The following SMARCD1 variants were observed in gnomAD, a reference collection of about 807,000 sequenced individuals.
SMARCD1 encodes the protein SWI/SNF-related matrix-associated actin-dependent regulator of chromatin subfamily D member 1.
SMARCD1 carries 16 observed loss-of-function variants against 70.8 expected under a neutral mutation model. The ratio of observed to expected loss-of-function variants is 0.23; its 90% CI spans 0.15 to 0.34. SMARCD1 has a LOEUF of 0.34. SMARCD1 is among the 10% of genes least tolerant of loss of function. The pLI, the probability that SMARCD1 is intolerant of heterozygous loss-of-function variation, is 1.00. For missense variants in SMARCD1, 409 were observed against 655.5 expected (o/e 0.62, Z 4.11); for synonymous variants, 249 against 246.0 (o/e 1.01, Z -0.11).
chr12:50,088,785 A>G, intron 6 of SMARCD1, 148 bp downstream of exon 6: 2 of 437,454 alleles, frequency 4.6e-6, no homozygotes, highest in Non-Finnish European at 8.2e-6. Flanking sequence ...TTGCACATTG[A>G]CCTCTAGGTG....
At chr12:50,096,355 G>C (rs1950893200) in intron 10 of SMARCD1, among the ~76,000 whole-genome samples, 1 of 152,188 alleles carries the variant, frequency 6.6e-6, no homozygotes, top group Non-Finnish European at 1.5e-5. Context: ...AGTTGGATTG[G>C]TTGGAGTATA....
rs1401661308 is a variant in SMARCD1 at position 50,094,629 on chromosome 12, G to C, written c.1269+57G>C. The C allele has an allele frequency of 1.3e-5, 20 of 1,534,324 alleles. No individual in the cohort carries two copies. In the South Asian group the frequency reaches 1.7e-4, roughly 13 times the overall value. On this transcript the variant is annotated intron_variant, in intron 10 of 12. Transcript: ENST00000394963. ...CACCAGCCCCTATCACAGCTTCAAG[G>C]CCTCCTTTTGATTCTTAGTGTTCAT... is the stretch of plus-strand genomic sequence containing the variant.
At chr12:50,091,360 C>T (rs1213883112) in intron 9 of SMARCD1, among the ~76,000 whole-genome samples, 1 of 151,490 alleles carries the variant, frequency 6.6e-6, no homozygotes, top group Non-Finnish European at 1.5e-5. Context: ...ACCGTAACCT[C>T]TGCCTACTGG....
chr12:50,092,063 G>C (rs1170143593), intron 9 of SMARCD1, among the ~76,000 whole-genome samples: 1 of 151,936 alleles, frequency 6.6e-6, no homozygotes, highest in African/African-American at 2.4e-5. Context: ...CATTACCTCT[G>C]TTCACTTTTT....
intron 9 of SMARCD1, among the ~76,000 whole-genome samples, chr12:50,092,971 T>C (rs1950860233): frequency 6.6e-6 from 1 of 151,024 alleles, no homozygotes; most frequent in African/African-American, 2.4e-5. Flanking sequence ...AGGTCAGGAG[T>C]TCAAGACCAG....
Position 50,094,436 on chromosome 12 carries a change from G to T in SMARCD1, c.1134-1G>T. On this transcript the variant is annotated splice_acceptor_variant, in intron 9 of 12. Coordinates refer to ENST00000394963, the MANE Select transcript of SMARCD1 (RefSeq NM_003076.5). LOFTEE classifies it high-confidence loss of function. ...CCAGGCTCCTTTGGTTTCCTGTCCA[G>T]TGTTGACCCGAATGATCAGAAAAAG... 1 of 1,613,948 alleles carries T rather than the reference G, an allele frequency of 6.2e-7. No homozygotes were observed. Among genetic ancestry groups the T allele is most frequent in the Non-Finnish European group, 8.5e-7 (1 of 1,179,900 alleles).
At chr12:50,096,768 G>A in intron 10 of SMARCD1, 82 bp from the exon 11 acceptor site, 1 of 1,363,384 alleles carries the variant, frequency 7.3e-7, no homozygotes, top group Non-Finnish European at 1.0e-6. Context: ...GAAGTGGCAT[G>A]TGGAGTTGTC....
At chr12:50,091,574 CTTTTG>C (rs762795908) in intron 9 of SMARCD1, among the ~76,000 whole-genome samples, 5 of 148,320 alleles carry the variant, frequency 3.4e-5, no homozygotes, top group Admixed American at 6.7e-5. Context: ...CGCGCCCGGC[CTTTTG>C]TTTTGTTTTG....
At chr12:50,097,511 C>A (rs533097293) in intron 11 of SMARCD1, among the ~76,000 whole-genome samples, 1 of 151,844 alleles carries the variant, frequency 6.6e-6, no homozygotes, top group Admixed American at 6.6e-5. Flanking sequence ...AAGATCGTGC[C>A]GCTGCACTCC....
rs376894035 is a variant in SMARCD1, at chr12:50,099,069, G to T, written c.*69G>T. 5.3e-5 allele frequency: 78 copies of T among 1,476,386 alleles called. No homozygotes were observed. The African/African-American group carries it at 1.0e-3, about 20-fold the overall frequency. The allele number at this position is 1,476,386 out of a possible 1,614,324, so 91.5% of individuals were successfully genotyped here. A position where few individuals can be genotyped will look rare whatever the true frequency, so the allele number is the denominator to read the frequency against. On this transcript the variant is annotated 3_prime_UTR_variant, in exon 13 of 13. Coordinates refer to ENST00000394963, the MANE Select transcript of SMARCD1 (RefSeq NM_003076.5). ...TGGGCCCTGTGCTGCCTGCCTCATA[G>T]TATCTGCCTTGGTCTTGCTTGGGGC...
intron 6 of SMARCD1, 135 bp from the exon 7 acceptor site, chr12:50,089,749 A>T: frequency 4.9e-6 from 3 of 609,514 alleles, no homozygotes; most frequent in South Asian, 2.1e-5. Context: ...GCAGTTTTTT[A>T]AAATGCCTCA....
At chr12:50,098,516 G>T (rs925757047) in intron 11 of SMARCD1, 198 bp from the exon 12 acceptor site, 5 of 589,230 alleles carry the variant, frequency 8.5e-6, no homozygotes, top group Non-Finnish European at 1.5e-5. Context: ...ATATTAGGGG[G>T]TACTCTAATG....
intron 9 of SMARCD1, among the ~76,000 whole-genome samples, 199 bp downstream of exon 9, chr12:50,090,789 C>G (rs936961320): frequency 1.4e-5 from 2 of 147,912 alleles, no homozygotes; most frequent in African/African-American, 5.0e-5. Flanking sequence ...AAATGTATAA[C>G]TTCCTAATTA....
intron 9 of SMARCD1, among the ~76,000 whole-genome samples, chr12:50,093,244 A>G (rs891908533): frequency 6.6e-6 from 1 of 151,502 alleles, no homozygotes; most frequent in African/African-American, 2.4e-5. Context: ...GCTGGAGTGC[A>G]GTGGCATGAT....
chr12:50,090,666 T>G, intron 9 of SMARCD1, 76 bp downstream of exon 9: 1 of 1,109,042 alleles, frequency 9.0e-7, no homozygotes, highest in Non-Finnish European at 1.4e-6. Flanking sequence ...TGTCAAATTT[T>G]CAGGAATTTT....
chr12:50,095,798 C>T (rs898107283), intron 10 of SMARCD1, among the ~76,000 whole-genome samples: 2 of 152,132 alleles, frequency 1.3e-5, no homozygotes, highest in Non-Finnish European at 2.9e-5. Context: ...ATTTAGTATG[C>T]TAGATGCAGC....
chr12:50,092,607 A>G (rs963776308), intron 9 of SMARCD1, among the ~76,000 whole-genome samples: 1 of 151,766 alleles, frequency 6.6e-6, no homozygotes, highest in Non-Finnish European at 1.5e-5. Context: ...AAGACCCTGA[A>G]CCTTCACTTA....
At chr12:50,091,567 G>A (rs1592290206) in intron 9 of SMARCD1, among the ~76,000 whole-genome samples, 1 of 151,916 alleles carries the variant, frequency 6.6e-6, no homozygotes, top group Admixed American at 6.6e-5. Context: ...GAGCCACCGC[G>A]CCCGGCCTTT....
chr12:50,096,748 G>T, intron 10 of SMARCD1, 102 bp from the exon 11 acceptor site: 1 of 1,057,976 alleles, frequency 9.5e-7, no homozygotes. Flanking sequence ...GCAGCATGGT[G>T]ACTAGGTTGG....
Sources: gnomAD v4.1 joint callset for allele counts (sites outside exome capture counted in the v4.1 genomes callset) on GRCh38, gnomAD v4.1.1 for gene constraint, MANE v1.5 for transcripts, NCBI Gene and HGNC (gene_info 2026-07-23, HGNC 2026-07-21) for gene names.